Variants in TNR observed in about 807,000 individuals in gnomAD.
TNR encodes tenascin-R.
TNR carries 45 observed loss-of-function variants against 150.4 expected under a neutral mutation model. The ratio of observed to expected loss-of-function variants is 0.30; its 90% CI spans 0.24 to 0.38. The LOEUF is 0.38. TNR is among the 10% of genes least tolerant of loss of function. The probability of loss-of-function intolerance (pLI) is 1.00; values close to 1 mark genes in which losing one functional copy is unlikely to be tolerated. For synonymous variants in TNR, 687 were observed against 678.4 expected, an observed-to-expected ratio of 1.01 and a Z score of -0.20; for missense variants, 1,544 against 1,759.1, an observed-to-expected ratio of 0.88 and a Z score of 2.19.
In TNR at chr1:175,642,035, C is replaced by A. The variant is rs137898397; in HGVS notation, c.-165+101191G>T. On this transcript the variant is annotated intron_variant, in intron 1 of 22. Coordinates refer to ENST00000367674, the MANE Select transcript of TNR (RefSeq NM_003285.3). ...GTCATAATCAGAGGAGACAGAGAGGCAGACCCGGTAATCCTAATCCACAAC... is the reference window on the plus strand; with the variant it reads ...GTCATAATCAGAGGAGACAGAGAGGAAGACCCGGTAATCCTAATCCACAAC... 7.9e-3 allele frequency among the ~76,000 whole-genome samples: 1,206 copies of A among 152,262 alleles called. 6 individuals are homozygous for A. Among genetic ancestry groups the A allele is most frequent in the Non-Finnish European group, 0.013 (858 of 68,018 alleles).
chr1:175,525,572 A>T (rs936270452), intron 2 of TNR, among the ~76,000 whole-genome samples: 2 of 152,238 alleles, frequency 1.3e-5, no homozygotes, highest in Non-Finnish European at 2.9e-5. Flanking sequence ...ATCTGGGGTG[A>T]GTTTTGGACT....
chr1:175,331,066 T>TTTCCTTCC (rs1491159520), intron 20 of TNR, among the ~76,000 whole-genome samples: 4 of 99,906 alleles, frequency 4.0e-5, no homozygotes, highest in African/African-American at 1.8e-4. Context: ...TCTTTCTTTC[T>TTTCCTTCC]TTCTTTCTTT....
intron 1 of TNR, among the ~76,000 whole-genome samples, chr1:175,606,739 G>A (rs1470330790): frequency 6.6e-6 from 1 of 152,108 alleles, no homozygotes; most frequent in Non-Finnish European, 1.5e-5. Context: ...GTTATCCTCT[G>A]AGGATAGCCC....
At position 175,449,640 on chromosome 1, in the gene TNR, A is replaced by C. The variant is rs928163913; in HGVS notation, c.-63-42863T>G. Among the ~76,000 whole-genome samples the C allele has an allele frequency of 2.0e-5, 3 of 150,710 alleles. 1 individual carries two copies. Among genetic ancestry groups the C allele is most frequent in the Non-Finnish European group, 4.4e-5 (3 of 67,728 alleles). On this transcript the variant is annotated intron_variant, in intron 2 of 22. Transcript: ENST00000367674. ...GTAAAGGGAGAAACTAAAAAGATGA[A>C]GCTACAAGGAAATACTGAGACTTTA...
intron 1 of TNR, among the ~76,000 whole-genome samples, chr1:175,616,038 T>G (rs1663762928): frequency 6.6e-6 from 1 of 152,228 alleles, no homozygotes; most frequent in African/African-American, 2.4e-5. Context: ...TAAAAATAAC[T>G]GAGAGAATGG....
At chr1:175,478,089 C>T (rs1657626622) in intron 2 of TNR, among the ~76,000 whole-genome samples, 1 of 152,206 alleles carries the variant, frequency 6.6e-6, no homozygotes, top group African/African-American at 2.4e-5. Flanking sequence ...GAGGGGCACA[C>T]ATTTTATTCT....
intron 2 of TNR, among the ~76,000 whole-genome samples, chr1:175,424,230 A>T (rs859478): frequency 6.6e-6 from 1 of 152,060 alleles, no homozygotes; most frequent in Non-Finnish European, 1.5e-5. Flanking sequence ...ACTGTGCCCC[A>T]ACTCGGGCAG....
chr1:175,391,278 A>G lies in TNR; in HGVS notation c.1507+10T>C. The G allele has an allele frequency of 1.2e-6, 2 of 1,612,808 alleles. No individual in the cohort carries two copies. Among genetic ancestry groups the G allele is most frequent in the South Asian group, 2.2e-5 (2 of 90,950 alleles). On this transcript the variant is annotated intron_variant, in intron 7 of 22. Transcript: ENST00000367674. Reference sequence around the variant, plus strand: ...AGGCAGCTCTAGGGAGAAGGGTTGGAGGCACTCACCTGTGGAGACGCTGGC... The same window carrying G: ...AGGCAGCTCTAGGGAGAAGGGTTGGGGGCACTCACCTGTGGAGACGCTGGC...
intron 19 of TNR, 38 bp from the exon 20 acceptor site, chr1:175,335,845 AAAAAAC>A: frequency 6.3e-7 from 1 of 1,577,084 alleles, no homozygotes; most frequent in Non-Finnish European, 8.7e-7. Context: ...CAAACAAACA[AAAAAAC>A]AAAACCCAAA....
At position 175,695,916 on chromosome 1, in the gene TNR, A is replaced by C. The variant is rs529554799; in HGVS notation, c.-165+47310T>G. ...TCTGTGTTCCCAGTGCCTATACAAT[A>C]TAGTCATTGAATACATAATTGTTGG... On this transcript the variant is annotated intron_variant, in intron 1 of 22. Coordinates refer to ENST00000367674, the MANE Select transcript of TNR (RefSeq NM_003285.3). Among the ~76,000 whole-genome samples, 3 of 152,290 alleles carry C rather than the reference A, an allele frequency of 2.0e-5. No individual in the cohort carries two copies. The East Asian group carries it at 5.8e-4, about 29-fold the overall frequency.
At chr1:175,357,515 C>G (rs577146461) in intron 15 of TNR, among the ~76,000 whole-genome samples, 8 of 151,980 alleles carry the variant, frequency 5.3e-5, no homozygotes, top group African/African-American at 1.9e-4. Flanking sequence ...TTTAATGTCC[C>G]CCTTTGCACA....
At chr1:175,665,201 A>T (rs1665499961) in intron 1 of TNR, among the ~76,000 whole-genome samples, 1 of 152,222 alleles carries the variant, frequency 6.6e-6, no homozygotes, top group Non-Finnish European at 1.5e-5. Flanking sequence ...TTGAGCTAGC[A>T]CTTTGGGGAT....
rs1661201961 is a variant in TNR at position 175,557,315 on chromosome 1, T to C, written c.-164-28946A>G. The stretch of plus-strand genomic sequence containing the variant: ...CACGGAAGTGGTATGATAATGTGTG[T>C]TGTTTTAAGCCACTAAGTTTGTGAT... On this transcript the variant is annotated intron_variant, in intron 1 of 22. Transcript: ENST00000367674. Among the ~76,000 whole-genome samples, 4 of 152,340 alleles carry C rather than the reference T, an allele frequency of 2.6e-5. No individual in the cohort carries two copies. In the South Asian group the frequency reaches 8.3e-4, roughly 32 times the overall value.
chr1:175,701,385 AAAACAAAC>A lies in TNR; in HGVS notation c.-165+41833_-165+41840del, dbSNP rs201601863. On this transcript the variant is annotated intron_variant, in intron 1 of 22. Transcript: ENST00000367674. The stretch of plus-strand genomic sequence containing the variant: ...TTACTCTCAAAATAGTCTTCTCCTA[AAAACAAAC>A]AAACAAACAAACAAACAAAAAACAC... Among the ~76,000 whole-genome samples the A allele has an allele frequency of 4.3e-4, 66 of 151,972 alleles. No individual in the cohort carries two copies. In the South Asian group the frequency reaches 5.6e-3, roughly 13 times the overall value.
At chr1:175,493,564 G>C (rs372015145) in intron 2 of TNR, among the ~76,000 whole-genome samples, 10 of 152,240 alleles carry the variant, frequency 6.6e-5, no homozygotes, top group African/African-American at 2.4e-4. Flanking sequence ...AGGAAGCAGC[G>C]GCTAGCTTTC....
intron 1 of TNR, among the ~76,000 whole-genome samples, chr1:175,545,413 A>T (rs541352819): frequency 6.0e-5 from 7 of 115,914 alleles, no homozygotes; most frequent in African/African-American, 1.9e-4. Context: ...AAAGAAATAT[A>T]TAGAGAGAAA....
intron 20 of TNR, among the ~76,000 whole-genome samples, chr1:175,331,055 TTC>T (rs1557867715): frequency 1.7e-5 from 2 of 117,256 alleles, no homozygotes; most frequent in East Asian, 2.6e-4. Flanking sequence ...CTTTCTTTCT[TTC>T]TTTCTTTCTT....
intron 16 of TNR, among the ~76,000 whole-genome samples, chr1:175,356,017 T>A (rs963572607): frequency 6.6e-6 from 1 of 152,184 alleles, no homozygotes; most frequent in African/African-American, 2.4e-5. Context: ...AGCTCTTTCC[T>A]AGATATCTAG....
At chr1:175,621,569 G>GT (rs1316692788) in intron 1 of TNR, among the ~76,000 whole-genome samples, 1 of 152,180 alleles carries the variant, frequency 6.6e-6, no homozygotes, top group Non-Finnish European at 1.5e-5. Flanking sequence ...TGGGTTAATA[G>GT]TAGTACCTAT....
Sources: allele counts gnomAD v4.1 joint callset (sites outside exome capture counted in the v4.1 genomes callset), GRCh38; gene constraint gnomAD v4.1.1; transcripts MANE v1.5; gene names NCBI Gene and HGNC (gene_info 2026-07-23, HGNC 2026-07-21).